FAM13C: variants seen among roughly 807,000 people sequenced by gnomAD.
FAM13C encodes family with sequence similarity 13 member C, also known as protein FAM13C.
FAM13C carries 37 observed loss-of-function variants against 73.2 expected under a neutral mutation model. That is an observed-to-expected ratio of 0.51 (90% CI 0.39 to 0.67). The LOEUF (loss-of-function observed/expected upper bound fraction) is 0.67, where lower values mean the gene tolerates loss of function less well. Ranked by LOEUF, FAM13C falls within the 30% of genes least tolerant of loss-of-function variation. FAM13C has a pLI of 0.00. For missense variants in FAM13C, 589 were observed against 715.6 expected (o/e 0.82, Z 2.02); for synonymous variants, 246 against 260.9 (o/e 0.94, Z 0.55).
At chr10:59,316,343 C>T (rs1849525786) in intron 4 of FAM13C, among the ~76,000 whole-genome samples, 1 of 152,094 alleles carries the variant, frequency 6.6e-6, no homozygotes, top group African/African-American at 2.4e-5. Flanking sequence ...ATAATGGATG[C>T]ACATAAAGAT....
chr10:59,314,754 C>T (rs1428528131), intron 4 of FAM13C, among the ~76,000 whole-genome samples: 1 of 152,104 alleles, frequency 6.6e-6, no homozygotes, highest in Non-Finnish European at 1.5e-5. Flanking sequence ...CATCAGAGTG[C>T]TCTTGATAAG....
chr10:59,358,556 T>C lies in FAM13C; in HGVS notation c.63-2613A>G, dbSNP rs74150882. 3.3e-3 allele frequency among the ~76,000 whole-genome samples: 501 copies of C among 152,334 alleles called. 3 individuals are homozygous for C. The highest frequency in any genetic ancestry group is 0.011 in the African/African-American group (460 of 41,574). On this transcript the variant is annotated intron_variant, in intron 1 of 13. Transcript: ENST00000618804. ...TAATGTGGATAAAAATGTTTTTCAA[T>C]AGCAAAGTAGCAACATCAATGAAGA...
rs1227451846 is a variant in FAM13C, at chr10:59,362,311, G to A, written c.62+88C>T. On this transcript the variant is annotated intron_variant, in intron 1 of 13. Transcript: ENST00000618804. The stretch of plus-strand genomic sequence containing the variant: ...GGAGACAATGCATCTAAAACGAACA[G>A]CGGCTGGGAACGGTGGAGGATACCT... 1.5e-5 allele frequency: 23 copies of A among 1,537,018 alleles called. No individual in the cohort carries two copies. In the Middle Eastern group the frequency reaches 5.0e-4, roughly 34 times the overall value.
intron 10 of FAM13C, among the ~76,000 whole-genome samples, chr10:59,261,640 A>T (rs1842514486): frequency 6.6e-6 from 1 of 152,102 alleles, no homozygotes. Flanking sequence ...AAGAAACAGA[A>T]AGTGGCCTAC....
intron 5 of FAM13C, among the ~76,000 whole-genome samples, chr10:59,296,481 AT>A (rs1341837522): frequency 6.6e-6 from 1 of 152,168 alleles, no homozygotes; most frequent in African/African-American, 2.4e-5. Context: ...AGAAAAATTA[AT>A]TTTTCATATT....
intron 6 of FAM13C, 27 bp from the exon 7 acceptor site, chr10:59,270,136 A>G: frequency 6.2e-7 from 1 of 1,602,916 alleles, no homozygotes; most frequent in Non-Finnish European, 8.5e-7. Context: ...AATCATCAAG[A>G]CTTAGAAGTG....
At chr10:59,294,673 A>T (rs1240994122) in intron 5 of FAM13C, among the ~76,000 whole-genome samples, 1 of 152,226 alleles carries the variant, frequency 6.6e-6, no homozygotes, top group African/African-American at 2.4e-5. Context: ...CTTTTTTGCC[A>T]TGCAGTTCAT....
chr10:59,325,427 A>G (rs886383815), intron 3 of FAM13C, among the ~76,000 whole-genome samples: 54 of 152,218 alleles, frequency 3.5e-4, no homozygotes, highest in African/African-American at 1.1e-3. Context: ...AGCCCTATCA[A>G]GATCCTCTCT....
At chr10:59,338,862 C>G (rs948010669) in intron 3 of FAM13C, among the ~76,000 whole-genome samples, 1 of 152,154 alleles carries the variant, frequency 6.6e-6, no homozygotes, top group Non-Finnish European at 1.5e-5. Flanking sequence ...TCAGGAAGCC[C>G]CTTCTTGTAT....
chr10:59,326,450 G>T (rs389215), intron 3 of FAM13C, among the ~76,000 whole-genome samples: 147,573 of 152,188 alleles, frequency 0.97, 71,680 homozygotes, highest in Non-Finnish European at 1. Flanking sequence ...TGATGTGATA[G>T]GTATGTGTGA....
chr10:59,257,776 C>T (rs377484366), intron 10 of FAM13C, among the ~76,000 whole-genome samples: 5 of 152,178 alleles, frequency 3.3e-5, no homozygotes, highest in East Asian at 1.9e-4. Flanking sequence ...ATGTTCAAGC[C>T]GGGAATTGAA....
At chr10:59,342,528 A>G (rs2134186625) in intron 3 of FAM13C, among the ~76,000 whole-genome samples, 1 of 152,300 alleles carries the variant, frequency 6.6e-6, no homozygotes, top group African/African-American at 2.4e-5. Flanking sequence ...TTTGAATTTC[A>G]GATAGATAAT....
chr10:59,347,340 T>C (rs777452435), intron 3 of FAM13C, among the ~76,000 whole-genome samples: 3 of 152,132 alleles, frequency 2.0e-5, no homozygotes, highest in Non-Finnish European at 4.4e-5. Context: ...TTCATTCTTA[T>C]ATAAGTGGTC....
rs75888494 is a variant in FAM13C at position 59,309,885 on chromosome 10, A to T, written c.444-7021T>A. On this transcript the variant is annotated intron_variant, in intron 4 of 13. Transcript: ENST00000618804. ...ACGTATTCATCCTAGGGTTATGGGC[A>T]GCTGCCAATTCTTATATATTTCTGA... is the stretch of plus-strand genomic sequence containing the variant. 3.5e-4 allele frequency among the ~76,000 whole-genome samples: 53 copies of T among 152,296 alleles called. No individual in the cohort carries two copies. In the East Asian group the frequency reaches 9.5e-3, roughly 27 times the overall value.
intron 3 of FAM13C, among the ~76,000 whole-genome samples, chr10:59,334,615 G>A (rs959860858): frequency 6.6e-6 from 1 of 152,184 alleles, no homozygotes; most frequent in African/African-American, 2.4e-5. Flanking sequence ...GTAGGGACAT[G>A]GATGAAGCTG....
chr10:59,331,621 G>A (rs1851998431), intron 3 of FAM13C, among the ~76,000 whole-genome samples: 1 of 152,162 alleles, frequency 6.6e-6, no homozygotes, highest in African/African-American at 2.4e-5. Flanking sequence ...TCTTGGGCTT[G>A]TGTGGCAAAT....
At chr10:59,291,388 C>T (rs1403978550) in intron 5 of FAM13C, among the ~76,000 whole-genome samples, 1 of 152,300 alleles carries the variant, frequency 6.6e-6, no homozygotes, top group East Asian at 1.9e-4. Context: ...CTGAGGACAG[C>T]GTCACTTGTG....
intron 5 of FAM13C, among the ~76,000 whole-genome samples, chr10:59,288,758 C>G (rs561005966): frequency 1.3e-5 from 2 of 152,170 alleles, no homozygotes; most frequent in Non-Finnish European, 2.9e-5. Context: ...AAATGGAGGA[C>G]AAGAAGGCAA....
Position 59,251,624 on chromosome 10 carries a change from G to T in FAM13C, c.1585C>A (p.Arg529=), listed in dbSNP as rs780604966. 2.5e-6 allele frequency: 4 copies of T among 1,612,832 alleles called. No homozygotes were observed. The highest frequency in any genetic ancestry group is 1.3e-5 in the African/African-American group (1 of 74,836). ...RETRADKKRL[R]KALREFEEQF... is the part of the protein sequence containing the mutation. ...TCTTCAAATTCTCTTAAGGCTTTCC[G>T]CAGTCTCTTCTTGTCAGCCCTAGTT... is the stretch of plus-strand genomic sequence containing the variant. The change falls in exon 13 of 14, where the codon CGG becomes AGG. Residue 529 remains arginine (R), a synonymous_variant. Coordinates refer to ENST00000618804, the MANE Select transcript of FAM13C (RefSeq NM_198215.4).
Sources: allele counts gnomAD v4.1 joint callset (sites outside exome capture counted in the v4.1 genomes callset), GRCh38; gene constraint gnomAD v4.1.1; transcripts MANE v1.5; gene names NCBI Gene and HGNC (gene_info 2026-07-23, HGNC 2026-07-21).